Variants in GUCY1A1 observed in about 807,000 individuals in gnomAD.
GUCY1A1 encodes the protein guanylate cyclase soluble subunit alpha-1.
Under a neutral mutation model 64.5 loss-of-function variants are expected in GUCY1A1, and 48 were observed. The observed-to-expected ratio is 0.74, with a 90% confidence interval of 0.59 to 0.95. GUCY1A1 has a LOEUF of 0.95. GUCY1A1 is among the 40% of genes least tolerant of loss of function. The pLI, the probability that GUCY1A1 is intolerant of heterozygous loss-of-function variation, is 0.00. For synonymous variants in GUCY1A1, 308 were observed against 303.4 expected (o/e 1.02, Z -0.16); for missense variants, 804 against 825.3 (o/e 0.97, Z 0.32).
chr4:155,677,976 A>G (rs895986918), intron 2 of GUCY1A1, among the ~76,000 whole-genome samples: 1 of 152,086 alleles, frequency 6.6e-6, no homozygotes, highest in Non-Finnish European at 1.5e-5. Context: ...TTATGTTTAC[A>G]TTTAAGACCA....
chr4:155,730,435 C>G lies in GUCY1A1; in HGVS notation c.*204C>G, dbSNP rs1735412574. ...GCTCTTCAAGAAAAAAAAAAAAAACCTTAAAAAGCTACTTTTGTGGGAGTA... is the reference window on the plus strand; with the variant it reads ...GCTCTTCAAGAAAAAAAAAAAAAACGTTAAAAAGCTACTTTTGTGGGAGTA... On this transcript the variant is annotated 3_prime_UTR_variant, in exon 10 of 10. Transcript: ENST00000506455. 1 of 433,330 alleles carries G rather than the reference C, an allele frequency of 2.3e-6. No individual in the cohort carries two copies. The highest frequency in any genetic ancestry group is 3.5e-5 in the East Asian group (1 of 28,206). The allele number at this position is 433,330 out of a possible 1,614,324, so 26.8% of individuals were successfully genotyped here. A position where few individuals can be genotyped will look rare whatever the true frequency, so the allele number is the denominator to read the frequency against.
At chr4:155,709,665 C>T (rs1732286353) in intron 5 of GUCY1A1, among the ~76,000 whole-genome samples, 1 of 152,094 alleles carries the variant, frequency 6.6e-6, no homozygotes, top group South Asian at 2.1e-4. Flanking sequence ...GAAAACCCGT[C>T]TCTACTAAAA....
intron 5 of GUCY1A1, among the ~76,000 whole-genome samples, chr4:155,708,938 A>T (rs1235296383): frequency 6.6e-6 from 1 of 152,156 alleles, no homozygotes; most frequent in Admixed American, 6.5e-5. Flanking sequence ...GAGTGTAAAG[A>T]TTAAAGGAGA....
intron 6 of GUCY1A1, among the ~76,000 whole-genome samples, chr4:155,712,676 C>CA (rs1314635594): frequency 6.6e-6 from 1 of 150,616 alleles, no homozygotes; most frequent in Non-Finnish European, 1.5e-5. Context: ...AGAAGGAAGC[C>CA]AAAAAAATAG....
intron 2 of GUCY1A1, among the ~76,000 whole-genome samples, chr4:155,688,776 C>CA (rs1241829509): frequency 6.7e-6 from 1 of 148,816 alleles, no homozygotes; most frequent in Non-Finnish European, 1.5e-5. Context: ...CGAGCACTAA[C>CA]AAAAGCAAAA....
chr4:155,723,915 G>C (rs1334496708), intron 9 of GUCY1A1, among the ~76,000 whole-genome samples: 1 of 152,010 alleles, frequency 6.6e-6, no homozygotes, highest in Non-Finnish European at 1.5e-5. Context: ...TGCCCACCTT[G>C]GCCTCCCAAA....
In GUCY1A1 at chr4:155,734,541, C is replaced by T. The variant is rs908681563; in HGVS notation, c.*4310C>T. The T allele has an allele frequency of 6.6e-6, 1 of 151,862 alleles. No homozygotes were observed. Among genetic ancestry groups the T allele is most frequent in the Non-Finnish European group, 1.5e-5 (1 of 67,894 alleles). 9.4% of individuals were successfully genotyped at this position (151,862 alleles called of 1,614,324 possible). On this transcript the variant is annotated 3_prime_UTR_variant, in exon 10 of 10. Transcript: ENST00000506455. ...GGATCATTTATTTCACCTCATTTTG[C>T]ACTTCAATGCAATTTCACTCTTTAG... is the stretch of plus-strand genomic sequence containing the variant.
At chr4:155,682,458 C>T (rs138430265) in intron 2 of GUCY1A1, among the ~76,000 whole-genome samples, 51 of 152,164 alleles carry the variant, frequency 3.4e-4, no homozygotes, top group East Asian at 2.5e-3. Context: ...GGGCGGATCA[C>T]GAGGTTAGGA....
At chr4:155,722,921 G>T (rs1734156651) in intron 9 of GUCY1A1, among the ~76,000 whole-genome samples, 2 of 151,990 alleles carry the variant, frequency 1.3e-5, no homozygotes, top group Non-Finnish European at 2.9e-5. Flanking sequence ...TTGGTGTATG[G>T]AGTCTTATTG....
chr4:155,681,107 G>C (rs926217425), intron 2 of GUCY1A1, among the ~76,000 whole-genome samples: 7 of 152,114 alleles, frequency 4.6e-5, no homozygotes, highest in African/African-American at 1.2e-4. Context: ...CTGAATAATA[G>C]TGGAAAAGTG....
chr4:155,695,514 CA>C (rs1432992311), intron 2 of GUCY1A1, among the ~76,000 whole-genome samples: 1 of 152,104 alleles, frequency 6.6e-6, no homozygotes, highest in Non-Finnish European at 1.5e-5. Flanking sequence ...AGTTGATTAA[CA>C]AAGCCCGATT....
chr4:155,714,280 T>C (rs779397945), intron 7 of GUCY1A1, among the ~76,000 whole-genome samples: 5 of 152,236 alleles, frequency 3.3e-5, no homozygotes, highest in African/African-American at 2.4e-5. Flanking sequence ...ACAGAGTTTA[T>C]ATGCATGAAT....
intron 4 of GUCY1A1, among the ~76,000 whole-genome samples, 184 bp downstream of exon 4, chr4:155,704,177 A>G (rs1406434858): frequency 1.3e-5 from 2 of 152,220 alleles, no homozygotes; most frequent in African/African-American, 4.8e-5. Flanking sequence ...CATTTTATAA[A>G]TGATTAAACT....
At chr4:155,691,726 T>C (rs987305169) in intron 2 of GUCY1A1, among the ~76,000 whole-genome samples, 2 of 152,222 alleles carry the variant, frequency 1.3e-5, no homozygotes, top group African/African-American at 4.8e-5. Context: ...ATTGCTTTTG[T>C]GATGGATACA....
At chr4:155,686,961 T>C (rs1179350316) in intron 2 of GUCY1A1, among the ~76,000 whole-genome samples, 2 of 152,228 alleles carry the variant, frequency 1.3e-5, no homozygotes, top group East Asian at 1.9e-4. Context: ...GACTTAGATA[T>C]AACTTTCTTG....
chr4:155,713,381 TATTTCCCTGTGAGGTTGC>T lies in GUCY1A1; in HGVS notation c.1371_1388del (p.Phe458_Ala463del), dbSNP rs761323529. ...AAGACAGTAGACCTTCTGTGCTCCATATTTCCCTGTGAGGTTGCTCAGCAGCTGTGGCAAGGGCAAGTT... is the reference window on the plus strand; with the variant it reads ...AAGACAGTAGACCTTCTGTGCTCCATTCAGCAGCTGTGGCAAGGGCAAGTT... On this transcript the variant is annotated inframe_deletion, in exon 7 of 10. Coordinates refer to ENST00000506455, the MANE Select transcript of GUCY1A1 (RefSeq NM_001130682.3). The T allele has an allele frequency of 1.9e-6, 3 of 1,614,140 alleles. No individual in the cohort carries two copies. The highest frequency in any genetic ancestry group is 2.5e-6 in the Non-Finnish European group (3 of 1,180,000).
intron 2 of GUCY1A1, among the ~76,000 whole-genome samples, chr4:155,680,003 G>A (rs964230637): frequency 1.3e-5 from 2 of 152,078 alleles, no homozygotes; most frequent in Non-Finnish European, 2.9e-5. Flanking sequence ...GTCCTTCAGT[G>A]CTATTTTTTC....
intron 3 of GUCY1A1, among the ~76,000 whole-genome samples, chr4:155,697,689 C>T (rs1467065075): frequency 6.6e-6 from 1 of 152,208 alleles, no homozygotes; most frequent in African/African-American, 2.4e-5. Context: ...GACTTTCTCC[C>T]TTGGGTCGGA....
chr4:155,713,246 T>C lies in GUCY1A1; in HGVS notation c.1235T>C (p.Val412Ala). 1.2e-6 allele frequency: 2 copies of C among 1,614,128 alleles called. No individual in the cohort carries two copies. Among genetic ancestry groups the C allele is most frequent in the Non-Finnish European group, 1.7e-6 (2 of 1,179,990 alleles). Residue 412 changes from valine (V) to alanine (A), a missense_variant, in exon 7 of 10, where the codon GTG becomes GCG. By Grantham distance (64) the Val-to-Ala change is moderately conservative. Transcript: ENST00000506455. ...CCAATTCACAATGCACTGAGGGATG[T>C]GGTCTTAATAGGGGAACAAGCCCGA... is the stretch of plus-strand genomic sequence containing the variant. ...DIPIHNALRD[V>A]VLIGEQARAQ...
Sources: gnomAD v4.1 joint callset for allele counts (sites outside exome capture counted in the v4.1 genomes callset) on GRCh38, gnomAD v4.1.1 for gene constraint, MANE v1.5 for transcripts, NCBI Gene and HGNC (gene_info 2026-07-23, HGNC 2026-07-21) for gene names.